Variants in PARVB observed in about 807,000 individuals in gnomAD.
The protein encoded by PARVB is beta-parvin.
PARVB carries 46 observed loss-of-function variants against 47.0 expected under a neutral mutation model. The ratio of observed to expected loss-of-function variants is 0.98; its 90% CI spans 0.77 to 1.25. The LOEUF is 1.25. Among genes scored for constraint, PARVB ranks in the 50% most tolerant of loss-of-function variants. PARVB has a pLI of 0.00. For synonymous variants in PARVB, 196 were observed against 196.3 expected (o/e 1.00, Z 0.01); for missense variants, 473 against 471.6 (o/e 1.00, Z -0.03).
At chr22:44,128,309 A>G (rs1417366401) in intron 4 of PARVB, among the ~76,000 whole-genome samples, 2 of 152,140 alleles carry the variant, frequency 1.3e-5, no homozygotes, top group Non-Finnish European at 2.9e-5. Flanking sequence ...TCACATGTGT[A>G]CTCAACCCCC....
chr22:44,069,557 T>C (rs2051607922), intron 1 of PARVB, among the ~76,000 whole-genome samples: 1 of 152,066 alleles, frequency 6.6e-6, no homozygotes, highest in Non-Finnish European at 1.5e-5. Context: ...AGATGGAGTC[T>C]TGCTCTTGTC....
In PARVB at chr22:44,095,776, T is replaced by C. The variant is rs139508624; in HGVS notation, c.202+1759T>C. Among the ~76,000 whole-genome samples the C allele has an allele frequency of 3.5e-3, 529 of 152,358 alleles. 6 individuals carry two copies. The highest frequency in any genetic ancestry group is 0.012 in the African/African-American group (515 of 41,586). On this transcript the variant is annotated intron_variant, in intron 2 of 12. Transcript: ENST00000338758. Reference sequence around the variant, plus strand: ...CGAAGGGAAGTCCCGGTTCATCCCTTTTTTGTGGTTTCCGTGACGAGGCCA... The same window carrying C: ...CGAAGGGAAGTCCCGGTTCATCCCTCTTTTGTGGTTTCCGTGACGAGGCCA...
intron 2 of PARVB, among the ~76,000 whole-genome samples, chr22:44,013,833 A>G (rs2050549198): frequency 1.3e-5 from 2 of 152,132 alleles, no homozygotes; most frequent in Admixed American, 6.5e-5. Context: ...GGGTTTCGCC[A>G]TGTTGGCCAG....
At chr22:44,149,665 T>C (rs5764561) in intron 9 of PARVB, 75,816 of 152,118 alleles carry the variant, frequency 0.5, 20,454 homozygotes, top group East Asian at 0.79. Flanking sequence ...GAAATCTCCC[T>C]TGCATTGCGT....
At chr22:44,086,256 T>A (rs559475547) in intron 1 of PARVB, among the ~76,000 whole-genome samples, 1 of 152,330 alleles carries the variant, frequency 6.6e-6, no homozygotes, top group African/African-American at 2.4e-5. Context: ...ACAAACTACA[T>A]CTGCCACTTG....
chr22:44,018,908 T>C (rs2050614045), intron 2 of PARVB, among the ~76,000 whole-genome samples: 1 of 152,134 alleles, frequency 6.6e-6, no homozygotes, highest in Non-Finnish European at 1.5e-5. Flanking sequence ...GCTGGTTAAT[T>C]TTTTATTTTT....
At chr22:44,165,337 G>C (rs1438094396) in intron 12 of PARVB, among the ~76,000 whole-genome samples, 1 of 152,160 alleles carries the variant, frequency 6.6e-6, no homozygotes, top group Non-Finnish European at 1.5e-5. Context: ...GCAGGGCTTT[G>C]TCCCCTGCAT....
chr22:44,043,811 G>T lies in PARVB; in HGVS notation c.112+19360G>T, dbSNP rs370600240. 3.2e-4 allele frequency among the ~76,000 whole-genome samples: 49 copies of T among 152,346 alleles called. No homozygotes were observed. In the South Asian group the frequency reaches 9.3e-3, roughly 29 times the overall value. On this transcript the variant is annotated intron_variant, in intron 1 of 12. Transcript: ENST00000338758. ...TGTTTTTCTCCAGTTGGTATTCGTT[G>T]CATGTTTCCAAGGTGAGATCTTTCA...
rs1270881162 is a variant in PARVB, at chr22:44,139,933, AC to A, written c.693-189del. The A allele has an allele frequency of 1.6e-5, 6 of 366,776 alleles. No individual in the cohort carries two copies. The African/African-American group carries it at 1.7e-4, about 10-fold the overall frequency. The allele number at this position is 366,776 out of a possible 1,614,324, so 22.7% of individuals were successfully genotyped here. ...GCAAACATTAATAATTCACACAAGC[AC>A]CTCTCGTTTATAATTAGAGCAGGCT... is the stretch of plus-strand genomic sequence containing the variant. On this transcript the variant is annotated intron_variant, in intron 7 of 12. Transcript: ENST00000338758.
In PARVB at chr22:44,068,577, C is replaced by T. The variant is rs1034233523; in HGVS notation, c.113-25351C>T. 2.6e-5 allele frequency among the ~76,000 whole-genome samples: 4 copies of T among 152,190 alleles called. No individual in the cohort carries two copies. Among genetic ancestry groups the T allele is most frequent in the African/African-American group, 4.8e-5 (2 of 41,454 alleles). On this transcript the variant is annotated intron_variant, in intron 1 of 12. Coordinates refer to ENST00000338758, the MANE Select transcript of PARVB (RefSeq NM_013327.5). This position sits in a 1 kb window ranked among gnomAD's most constrained non-coding sequence, Gnocchi z 4.1. Reference sequence around the variant, plus strand: ...TATTTGATTTCTGTTGTCGTGGAAACGGGGTGGCAAGTGTTCCATGTGTTA... The same window carrying T: ...TATTTGATTTCTGTTGTCGTGGAAATGGGGTGGCAAGTGTTCCATGTGTTA...
At chr22:44,098,745 C>T (rs1411858656) in intron 2 of PARVB, among the ~76,000 whole-genome samples, 1 of 152,226 alleles carries the variant, frequency 6.6e-6, no homozygotes, top group Non-Finnish European at 1.5e-5. Flanking sequence ...TTACACTCTG[C>T]TGCCGGGAAG....
At chr22:44,146,304 C>G in intron 8 of PARVB, 1 of 149,268 alleles carries the variant, frequency 6.7e-6, no homozygotes, top group African/African-American at 2.5e-5. Context: ...CACACGCACA[C>G]ACGTGCTCAC....
At chr22:44,065,230 C>A (rs1186692394) in intron 1 of PARVB, among the ~76,000 whole-genome samples, 6 of 152,086 alleles carry the variant, frequency 3.9e-5, no homozygotes, top group African/African-American at 1.2e-4. Flanking sequence ...GTGGTGGTAC[C>A]ATAGTGGTGC....
At chr22:44,123,082 C>A (rs979198492) in intron 4 of PARVB, among the ~76,000 whole-genome samples, 1 of 152,256 alleles carries the variant, frequency 6.6e-6, no homozygotes, top group Non-Finnish European at 1.5e-5. Flanking sequence ...TCTCTCACCT[C>A]TGGCCTTCCC....
At chr22:44,164,707 C>T (rs1426385877) in intron 12 of PARVB, among the ~76,000 whole-genome samples, 1 of 152,202 alleles carries the variant, frequency 6.6e-6, no homozygotes, top group Non-Finnish European at 1.5e-5. Flanking sequence ...TTGACCGTGG[C>T]CCCCTACCTA....
intron 1 of PARVB, among the ~76,000 whole-genome samples, chr22:44,071,122 G>A (rs568777197): frequency 6.6e-6 from 1 of 152,154 alleles, no homozygotes; most frequent in East Asian, 1.9e-4. Flanking sequence ...AACAGATACT[G>A]AGCGCTCTGT....
chr22:44,157,696 T>C (rs2053964981), intron 10 of PARVB, among the ~76,000 whole-genome samples: 1 of 152,050 alleles, frequency 6.6e-6, no homozygotes, highest in Non-Finnish European at 1.5e-5. Context: ...CTGGGCAACA[T>C]GGTGAAACCC....
chr22:44,105,188 C>T, intron 3 of PARVB: 1 of 152,386 alleles, frequency 6.6e-6, no homozygotes, highest in African/African-American at 2.4e-5. Context: ...TCCAGCCCCT[C>T]CAGCAGCTGG....
chr22:44,127,459 C>T lies in PARVB; in HGVS notation c.377-4028C>T, dbSNP rs554929802. 1.1e-4 allele frequency among the ~76,000 whole-genome samples: 17 copies of T among 152,342 alleles called. No individual in the cohort carries two copies. In the South Asian group the frequency reaches 3.5e-3, roughly 32 times the overall value. On this transcript the variant is annotated intron_variant, in intron 4 of 12. Coordinates refer to ENST00000338758, the MANE Select transcript of PARVB (RefSeq NM_013327.5). ...ATGCCAGGAATGACACTGATGTAGG[C>T]ATTCAGCTCTTTGGCTTTCCAAAGG...
Sources: allele counts gnomAD v4.1 joint callset (sites outside exome capture counted in the v4.1 genomes callset), GRCh38; gene constraint gnomAD v4.1.1; non-coding constraint Gnocchi (gnomAD v3.1); transcripts MANE v1.5; gene names NCBI Gene and HGNC (gene_info 2026-07-23, HGNC 2026-07-21).